RERG: variants seen among roughly 807,000 people sequenced by gnomAD.
RERG encodes RAS like estrogen regulated growth inhibitor, also known as ras-related and estrogen-regulated growth inhibitor.
A neutral mutation model predicts 23.2 loss-of-function variants in RERG; 25 were observed. The ratio of observed to expected loss-of-function variants is 1.08; its 90% CI spans 0.79 to 1.50. RERG has a LOEUF of 1.50. Among genes scored for constraint, RERG ranks in the 40% most tolerant of loss-of-function variants. RERG has a pLI of 0.00. For missense variants in RERG, 253 were observed against 250.1 expected (o/e 1.01, Z -0.08); for synonymous variants, 81 against 89.1 (o/e 0.91, Z 0.51).
Position 15,123,227 on chromosome 12 carries a change from A to C in RERG, c.62-2108T>G, listed in dbSNP as rs74071010. On this transcript the variant is annotated intron_variant, in intron 2 of 4. Transcript: ENST00000256953. ...TCAATTCCAAAACCATTTAAATTTG[A>C]ATCATTTCTCAAAATATTTAAAAAA... 7.4e-3 allele frequency among the ~76,000 whole-genome samples: 1,133 copies of C among 152,276 alleles called. 9 individuals carry two copies. Among genetic ancestry groups the C allele is most frequent in the African/African-American group, 0.026 (1,064 of 41,562 alleles).
At chr12:15,117,847 A>T (rs1863757697) in intron 3 of RERG, among the ~76,000 whole-genome samples, 1 of 152,078 alleles carries the variant, frequency 6.6e-6, no homozygotes, top group Non-Finnish European at 1.5e-5. Flanking sequence ...TTGTTCTACA[A>T]TCAGATAATT....
At chr12:15,145,517 TG>T (rs1189013419) in intron 2 of RERG, among the ~76,000 whole-genome samples, 3 of 152,132 alleles carry the variant, frequency 2.0e-5, no homozygotes, top group African/African-American at 7.2e-5. Flanking sequence ...GGGCCCGGGG[TG>T]TGTCCGATGC....
intron 2 of RERG, among the ~76,000 whole-genome samples, chr12:15,170,248 G>C (rs983452933): frequency 5.9e-5 from 9 of 151,932 alleles, no homozygotes; most frequent in Non-Finnish European, 1.3e-4. Flanking sequence ...CTATGGACTT[G>C]GGTGATAATG....
intron 2 of RERG, among the ~76,000 whole-genome samples, chr12:15,165,076 A>T (rs1420688007): frequency 1.3e-5 from 2 of 152,186 alleles, no homozygotes; most frequent in Non-Finnish European, 2.9e-5. Flanking sequence ...CAAAACCCAA[A>T]TTGATTCTGA....
At chr12:15,112,135 T>A (rs1428625968) in intron 3 of RERG, among the ~76,000 whole-genome samples, 1 of 152,242 alleles carries the variant, frequency 6.6e-6, no homozygotes. Context: ...TTTTGGAAAC[T>A]GCTGTTTCTA....
At chr12:15,213,776 T>C (rs747653528) in intron 2 of RERG, among the ~76,000 whole-genome samples, 3 of 152,236 alleles carry the variant, frequency 2.0e-5, no homozygotes, top group African/African-American at 4.8e-5. Context: ...GTTTTAAATA[T>C]AGACGGCCTA....
At chr12:15,219,631 A>G (rs1328474287) in intron 1 of RERG, among the ~76,000 whole-genome samples, 1 of 152,240 alleles carries the variant, frequency 6.6e-6, no homozygotes, top group Non-Finnish European at 1.5e-5. Flanking sequence ...CAGAAACATA[A>G]TATGTGGAGA....
chr12:15,163,117 A>G (rs1437533270), intron 2 of RERG, among the ~76,000 whole-genome samples: 2 of 152,194 alleles, frequency 1.3e-5, no homozygotes, highest in African/African-American at 4.8e-5. Flanking sequence ...GGTGGAGACT[A>G]TAGCACTTTC....
At chr12:15,203,828 G>T (rs895992357) in intron 2 of RERG, among the ~76,000 whole-genome samples, 1 of 151,412 alleles carries the variant, frequency 6.6e-6, no homozygotes, top group African/African-American at 2.4e-5. Flanking sequence ...GTATCAAAAA[G>T]AATAAAAAAC....
chr12:15,176,546 T>C (rs1254080507), intron 2 of RERG, among the ~76,000 whole-genome samples: 2 of 152,182 alleles, frequency 1.3e-5, no homozygotes, highest in African/African-American at 4.8e-5. Flanking sequence ...ATTGCTGTTG[T>C]TTATTAGCAA....
chr12:15,166,198 C>A (rs962898114), intron 2 of RERG, among the ~76,000 whole-genome samples: 1 of 152,154 alleles, frequency 6.6e-6, no homozygotes, highest in Admixed American at 6.5e-5. Context: ...GATGTGGCTG[C>A]CAAGGGCAGA....
At chr12:15,136,817 C>T (rs530242566) in intron 2 of RERG, among the ~76,000 whole-genome samples, 5 of 151,930 alleles carry the variant, frequency 3.3e-5, no homozygotes, top group African/African-American at 4.8e-5. Context: ...TGACCTAGAA[C>T]GTGGTCTATC....
chr12:15,212,264 T>C lies in RERG; in HGVS notation c.61+5165A>G, dbSNP rs916513668. 6.7e-5 allele frequency among the ~76,000 whole-genome samples: 10 copies of C among 150,350 alleles called. No homozygotes were observed. The East Asian group carries it at 2.0e-3, about 29-fold the overall frequency. ...TTAGTAGAGACGGGGTTTCACCTTGTTAGCCAGGATGGTCTCGATCTCCTG... is the reference window on the plus strand; with the variant it reads ...TTAGTAGAGACGGGGTTTCACCTTGCTAGCCAGGATGGTCTCGATCTCCTG... On this transcript the variant is annotated intron_variant, in intron 2 of 4. Transcript: ENST00000256953.
chr12:15,190,696 G>C (rs1029731938), intron 2 of RERG, among the ~76,000 whole-genome samples: 1 of 151,992 alleles, frequency 6.6e-6, no homozygotes. Flanking sequence ...GCCAAAGATG[G>C]GAAATACAAA....
intron 2 of RERG, among the ~76,000 whole-genome samples, chr12:15,185,070 G>A (rs1331094909): frequency 6.6e-6 from 1 of 152,094 alleles, no homozygotes; most frequent in African/African-American, 2.4e-5. Context: ...TCAGGGACAG[G>A]TGCAGACCCC....
At chr12:15,116,077 A>G (rs1181918806) in intron 3 of RERG, among the ~76,000 whole-genome samples, 1 of 152,186 alleles carries the variant, frequency 6.6e-6, no homozygotes, top group Non-Finnish European at 1.5e-5. Flanking sequence ...TTTATGTTAA[A>G]TTGGAGATTA....
At chr12:15,182,550 T>A (rs1295412467) in intron 2 of RERG, among the ~76,000 whole-genome samples, 2 of 152,160 alleles carry the variant, frequency 1.3e-5, no homozygotes, top group Non-Finnish European at 2.9e-5. Flanking sequence ...CAGATCTTAT[T>A]TTTTCTCATC....
chr12:15,215,355 T>C (rs1156260029), intron 2 of RERG, among the ~76,000 whole-genome samples: 2 of 151,974 alleles, frequency 1.3e-5, no homozygotes. Context: ...CTTTGAGAAG[T>C]GCGCAGACGA....
intron 2 of RERG, among the ~76,000 whole-genome samples, chr12:15,206,221 T>C (rs899121567): frequency 6.6e-6 from 1 of 152,088 alleles, no homozygotes; most frequent in Non-Finnish European, 1.5e-5. Flanking sequence ...CACCCTTCTA[T>C]GATGTAAAGA....
Sources: allele counts gnomAD v4.1 joint callset (sites outside exome capture counted in the v4.1 genomes callset), GRCh38; gene constraint gnomAD v4.1.1; transcripts MANE v1.5; gene names NCBI Gene and HGNC (gene_info 2026-07-23, HGNC 2026-07-21).